RIMS1: variants seen among roughly 807,000 people sequenced by gnomAD.
RIMS1 encodes the protein regulating synaptic membrane exocytosis 1.
RIMS1 carries 83 observed loss-of-function variants against 214.1 expected under a neutral mutation model. The observed-to-expected ratio is 0.39, with a 90% CI of 0.32 to 0.47. RIMS1 has a LOEUF of 0.47. Among genes scored for constraint, RIMS1 ranks in the 20% least tolerant of loss-of-function variants. The probability of loss-of-function intolerance (pLI) is 0.99; values close to 1 mark genes in which losing one functional copy is unlikely to be tolerated. For synonymous variants in RIMS1, 793 were observed against 786.8 expected (o/e 1.01, Z -0.13); for missense variants, 2,050 against 2,161.8 (o/e 0.95, Z 1.03).
chr6:72,143,257 TAGAA>T (rs2042297060), intron 4 of RIMS1, among the ~76,000 whole-genome samples: 2 of 152,328 alleles, frequency 1.3e-5, no homozygotes, highest in African/African-American at 2.4e-5. Flanking sequence ...TGGTTTCTGA[TAGAA>T]AGAAATACAT....
intron 2 of RIMS1, among the ~76,000 whole-genome samples, chr6:71,999,609 G>C (rs766654954): frequency 2.0e-5 from 3 of 152,050 alleles, no homozygotes; most frequent in Non-Finnish European, 2.9e-5. Context: ...CTTGAAATTT[G>C]GTCTCAATCT....
At chr6:72,282,565 T>C (rs952228171) in intron 23 of RIMS1, among the ~76,000 whole-genome samples, 1 of 152,100 alleles carries the variant, frequency 6.6e-6, no homozygotes, top group Non-Finnish European at 1.5e-5. Context: ...ATCTCTCTCT[T>C]CCACTCTCTT....
At chr6:72,359,883 A>G (rs2097765550) in intron 29 of RIMS1, among the ~76,000 whole-genome samples, 1 of 152,194 alleles carries the variant, frequency 6.6e-6, no homozygotes, top group Admixed American at 6.5e-5. Flanking sequence ...AATCATGACA[A>G]CAACCCACCA....
At chr6:72,035,460 A>G (rs1173310062) in intron 2 of RIMS1, among the ~76,000 whole-genome samples, 1 of 151,716 alleles carries the variant, frequency 6.6e-6, no homozygotes, top group African/African-American at 2.4e-5. Flanking sequence ...AGGGCATTAG[A>G]CCCCCCTCCT....
At chr6:72,165,024 C>T (rs1245893073) in intron 4 of RIMS1, among the ~76,000 whole-genome samples, 1 of 152,144 alleles carries the variant, frequency 6.6e-6, no homozygotes, top group South Asian at 2.1e-4. Context: ...TTTGGCAAAC[C>T]ATGGCCAGAA....
intron 29 of RIMS1, among the ~76,000 whole-genome samples, chr6:72,352,424 T>C (rs918051967): frequency 1.3e-5 from 2 of 152,186 alleles, no homozygotes; most frequent in Non-Finnish European, 2.9e-5. Context: ...TAATAACTGA[T>C]AGGCACAGTA....
At chr6:72,012,323 C>A (rs1177395849) in intron 2 of RIMS1, among the ~76,000 whole-genome samples, 1 of 151,820 alleles carries the variant, frequency 6.6e-6, no homozygotes, top group African/African-American at 2.4e-5. Context: ...CACACTGGGC[C>A]CTGTTGTAGG....
At chr6:72,262,679 A>G (rs1391078139) in intron 19 of RIMS1, 2 of 846,804 alleles carry the variant, frequency 2.4e-6, no homozygotes, top group Non-Finnish European at 2.8e-6. Flanking sequence ...ATGAATGTCA[A>G]AATGTGTACA....
At chr6:72,028,070 T>G (rs1255683145) in intron 2 of RIMS1, among the ~76,000 whole-genome samples, 1 of 152,154 alleles carries the variant, frequency 6.6e-6, no homozygotes, top group Non-Finnish European at 1.5e-5. Context: ...GCTATCAAAT[T>G]GTTATTAAAT....
intron 23 of RIMS1, among the ~76,000 whole-genome samples, chr6:72,279,499 A>G (rs996104299): frequency 1.3e-5 from 2 of 152,080 alleles, no homozygotes; most frequent in African/African-American, 4.8e-5. Context: ...GAATAAAGGG[A>G]GAAAAACTCA....
At chr6:72,262,141 A>C (rs968095091) in intron 19 of RIMS1, 1 of 983,066 alleles carries the variant, frequency 1.0e-6, no homozygotes. Flanking sequence ...TATTTCTAGG[A>C]TACTCACACC....
At chr6:72,112,614 C>G (rs928607449) in intron 4 of RIMS1, among the ~76,000 whole-genome samples, 1 of 152,164 alleles carries the variant, frequency 6.6e-6, no homozygotes, top group Non-Finnish European at 1.5e-5. Context: ...GCATAACTCT[C>G]TTTTCCTGGA....
intron 28 of RIMS1, among the ~76,000 whole-genome samples, chr6:72,325,622 A>G (rs1159912246): frequency 1.3e-5 from 2 of 151,832 alleles, no homozygotes; most frequent in African/African-American, 4.8e-5. Context: ...TAAAATACCT[A>G]GAAATAAATC....
At chr6:72,163,898 A>C (rs957016125) in intron 4 of RIMS1, among the ~76,000 whole-genome samples, 2 of 152,110 alleles carry the variant, frequency 1.3e-5, no homozygotes, top group African/African-American at 4.8e-5. Context: ...TGCTGGGAGA[A>C]CCAATACTGT....
In RIMS1 at chr6:72,235,819, A is replaced by C; in HGVS notation, c.1857+91A>C. ...TTTCTGGCAATGATTTTTAAATGTC[A>C]TTTAAATATTTTATATAATTTTATT... On this transcript the variant is annotated intron_variant, in intron 8 of 33. Transcript: ENST00000521978. The C allele has an allele frequency of 5.5e-6, 3 of 548,610 alleles. No individual in the cohort carries two copies. In the South Asian group the frequency reaches 1.8e-4, roughly 33 times the overall value. The allele number at this position is 548,610 out of a possible 1,614,324, so 34.0% of individuals were successfully genotyped here.
chr6:72,188,744 TG>T lies in RIMS1; in HGVS notation c.1678+5598del, dbSNP rs2049552611. Reference sequence around the variant, plus strand: ...GGGCCATTTGTAATCCTGCCTGGATTGGGCTGTTGTAGTTTTCCATTTACCT... The same window carrying T: ...GGGCCATTTGTAATCCTGCCTGGATTGGCTGTTGTAGTTTTCCATTTACCT... On this transcript the variant is annotated intron_variant, in intron 6 of 33. Transcript: ENST00000521978. Among the ~76,000 whole-genome samples the T allele has an allele frequency of 5.3e-5, 8 of 152,342 alleles. No homozygotes were observed. In the South Asian group the frequency reaches 1.7e-3, roughly 32 times the overall value.
rs7752362 is a variant in RIMS1, at chr6:72,269,633, C to A, written c.3398+3584C>A. 9.2e-5 allele frequency among the ~76,000 whole-genome samples: 14 copies of A among 152,232 alleles called. No individual in the cohort carries two copies. The South Asian group carries it at 1.5e-3, about 16-fold the overall frequency. ...GACATATAACCAGCCACACAATCTGCAACTACTTCTCTTCCTGCTCCGTCA... is the reference window on the plus strand; with the variant it reads ...GACATATAACCAGCCACACAATCTGAAACTACTTCTCTTCCTGCTCCGTCA... On this transcript the variant is annotated intron_variant, in intron 22 of 33. Transcript: ENST00000521978.
chr6:72,348,678 A>G (rs2097348864), intron 29 of RIMS1, among the ~76,000 whole-genome samples: 1 of 151,902 alleles, frequency 6.6e-6, no homozygotes, highest in East Asian at 1.9e-4. Flanking sequence ...CCCATCACCC[A>G]AATAGTAAAC....
Position 72,179,748 on chromosome 6 carries a change from A to G in RIMS1, c.645A>G (p.Arg215=). 1 of 1,613,854 alleles carries G rather than the reference A, an allele frequency of 6.2e-7. No homozygotes were observed. Among genetic ancestry groups the G allele is most frequent in the Non-Finnish European group, 8.5e-7 (1 of 1,179,884 alleles). Residue 215 remains arginine (R), a synonymous_variant, in exon 5 of 34, where the codon CGA becomes CGG. Transcript: ENST00000521978. ...PREKKARLQE[R]SRSQTPLSTA... is the part of the protein sequence containing the mutation. The stretch of plus-strand genomic sequence containing the variant: ...AAAAGAAAGCACGACTCCAAGAGCG[A>G]TCGCGGTCTCAGACACCCCTAAGCA...
Sources: gnomAD v4.1 joint callset for allele counts (sites outside exome capture counted in the v4.1 genomes callset) on GRCh38, gnomAD v4.1.1 for gene constraint, MANE v1.5 for transcripts, NCBI Gene and HGNC (gene_info 2026-07-23, HGNC 2026-07-21) for gene names.